The following PCDHGB3 variants were observed in gnomAD, a reference collection of about 807,000 sequenced individuals.
The protein encoded by PCDHGB3 is protocadherin gamma subfamily B, 3.
Under a neutral mutation model 59.2 loss-of-function variants are expected in PCDHGB3, and 40 were observed. That is an observed-to-expected ratio of 0.68 (90% CI 0.52 to 0.88). The LOEUF (loss-of-function observed/expected upper bound fraction) is 0.88, where lower values mean the gene tolerates loss of function less well. Among genes scored for constraint, PCDHGB3 ranks in the 40% least tolerant of loss-of-function variants. PCDHGB3 has a pLI of 0.00. For synonymous variants in PCDHGB3, 581 were observed against 503.6 expected (o/e 1.15, Z -2.06); for missense variants, 1,309 against 1,187.9 (o/e 1.10, Z -1.50).
Position 141,431,677 on chromosome 5 carries a change from G to T in PCDHGB3, c.2415+58868G>T. The T allele has an allele frequency of 1.2e-6, 2 of 1,614,236 alleles. No homozygotes were observed. Among genetic ancestry groups the T allele is most frequent in the Non-Finnish European group, 1.7e-6 (2 of 1,180,050 alleles). ...CAGGGACAATATCAACAATAGGGGAGTTGGACCACGAGGAGTCAGGATTCT... is the reference window on the plus strand; with the variant it reads ...CAGGGACAATATCAACAATAGGGGATTTGGACCACGAGGAGTCAGGATTCT... On this transcript the variant is annotated intron_variant, in intron 1 of 3. Coordinates refer to ENST00000576222, the MANE Select transcript of PCDHGB3 (RefSeq NM_018924.5). The surrounding 1 kb of genome is among the most constrained non-coding windows in gnomAD (Gnocchi z 4.8).
At chr5:141,417,872 T>G (rs2096175848) in intron 1 of PCDHGB3, 5 of 1,555,026 alleles carry the variant, frequency 3.2e-6, no homozygotes, top group African/African-American at 1.4e-5. Flanking sequence ...GGGAGGGAGC[T>G]GCGCGCAGAG....
rs1562131721 is a variant in PCDHGB3, at chr5:141,489,636, C to CGAGA, written c.2416-5171_2416-5170insGAGA. 10 of 1,614,074 alleles carry CGAGA rather than the reference C, an allele frequency of 6.2e-6. No individual in the cohort carries two copies. The highest frequency in any genetic ancestry group is 2.7e-5 in the African/African-American group (2 of 74,930). On this transcript the variant is annotated intron_variant, in intron 1 of 3. Coordinates refer to ENST00000576222, the MANE Select transcript of PCDHGB3 (RefSeq NM_018924.5). This position sits in a 1 kb window ranked among gnomAD's most constrained non-coding sequence, Gnocchi z 4.5. ...TGGATCTCAATGACAACTCTCCTAG[C>CGAGA]TTTGCCACCCCTGAGCGAGAGATGC...
Position 141,491,947 on chromosome 5 carries a change from C to T in PCDHGB3, c.2416-2860C>T. ...GGGGAGGTGGGACCGACCCCCACCCCTACACTCAAAAAAGGCCGGGGCCTC... is the reference window on the plus strand; with the variant it reads ...GGGGAGGTGGGACCGACCCCCACCCTTACACTCAAAAAAGGCCGGGGCCTC... On this transcript the variant is annotated intron_variant, in intron 1 of 3. Coordinates refer to ENST00000576222, the MANE Select transcript of PCDHGB3 (RefSeq NM_018924.5). The surrounding 1 kb of genome is among the most constrained non-coding windows in gnomAD (Gnocchi z 6.9). 1 of 1,114,210 alleles carries T rather than the reference C, an allele frequency of 9.0e-7. No individual in the cohort carries two copies. The highest frequency in any genetic ancestry group is 1.2e-6 in the Non-Finnish European group (1 of 815,758). 69.0% of individuals were successfully genotyped at this position (1,114,210 alleles called of 1,614,324 possible). A position where few individuals can be genotyped will look rare whatever the true frequency, so the allele number is the denominator to read the frequency against.
intron 1 of PCDHGB3, chr5:141,478,825 T>G: frequency 1.4e-6 from 2 of 1,441,878 alleles, no homozygotes; most frequent in East Asian, 5.0e-5. Context: ...TAACCAATCT[T>G]GCTAAGGGAT....
At position 141,477,879 on chromosome 5, in the gene PCDHGB3, A is replaced by T. The variant is rs932363258; in HGVS notation, c.2416-16928A>T. The T allele has an allele frequency of 3.4e-5, 55 of 1,614,060 alleles. No homozygotes were observed. The highest frequency in any genetic ancestry group is 4.6e-5 in the Non-Finnish European group (54 of 1,180,034). ...CTGCCTCGAGGTACCTCAGCTGGCCACCTAGTGTCACGGGTGGTAGGCTGG... is the reference window on the plus strand; with the variant it reads ...CTGCCTCGAGGTACCTCAGCTGGCCTCCTAGTGTCACGGGTGGTAGGCTGG... On this transcript the variant is annotated intron_variant, in intron 1 of 3. Coordinates refer to ENST00000576222, the MANE Select transcript of PCDHGB3 (RefSeq NM_018924.5). This position sits in a 1 kb window ranked among gnomAD's most constrained non-coding sequence, Gnocchi z 4.9.
rs745961736 is a variant in PCDHGB3, at chr5:141,372,460, A to G, written c.2066A>G (p.Gln689Arg). Residue 689 changes from glutamine (Q) to arginine (R), a missense_variant, in exon 1 of 4, where the codon CAG (glutamine) becomes CGG (arginine). By Grantham distance (43) the Gln-to-Arg change is conservative. Coordinates refer to ENST00000576222, the MANE Select transcript of PCDHGB3 (RefSeq NM_018924.5). ...PTPSDPQAEL[Q>R]FHLVVALALI... ...CCCTCTGACCCTCAGGCGGAGCTAC[A>G]GTTTCACCTAGTAGTGGCGTTGGCC... 6.2e-5 allele frequency: 100 copies of G among 1,614,006 alleles called. 1 individual carries two copies. The South Asian group carries it at 1.1e-3, about 17-fold the overall frequency.
At chr5:141,398,740 C>G in intron 1 of PCDHGB3, 2 of 1,613,864 alleles carry the variant, frequency 1.2e-6, no homozygotes, top group Non-Finnish European at 1.7e-6. Context: ...CCGGGAACAA[C>G]AGAGTTACCA....
At chr5:141,483,656 G>A (rs1345435222) in intron 1 of PCDHGB3, among the ~76,000 whole-genome samples, 1 of 151,984 alleles carries the variant, frequency 6.6e-6, no homozygotes, top group Non-Finnish European at 1.5e-5. Flanking sequence ...GTTTGTGTGT[G>A]TGTGTGTGTG....
chr5:141,424,538 A>G (rs547426760), intron 1 of PCDHGB3: 37 of 152,340 alleles, frequency 2.4e-4, no homozygotes, highest in African/African-American at 8.9e-4. Context: ...TATAGAAATA[A>G]CTTGATTTTG....
At chr5:141,440,221 C>A (rs557068282) in intron 1 of PCDHGB3, 2 of 152,450 alleles carry the variant, frequency 1.3e-5, no homozygotes, top group Admixed American at 6.5e-5. Context: ...GTAATCCCAG[C>A]ACTTTGGGAG....
At chr5:141,507,531 C>T (rs1467914007) in intron 3 of PCDHGB3, among the ~76,000 whole-genome samples, 3 of 151,964 alleles carry the variant, frequency 2.0e-5, no homozygotes, top group African/African-American at 7.2e-5. Flanking sequence ...CCAGAGAGGC[C>T]AGAGACTGAG....
Position 141,432,059 on chromosome 5 carries a change from A to T in PCDHGB3, c.2415+59250A>T. On this transcript the variant is annotated intron_variant, in intron 1 of 3. Transcript: ENST00000576222. This position sits in a 1 kb window ranked among gnomAD's most constrained non-coding sequence, Gnocchi z 6.0. ...TGACCGGGGAACCCCGCCCCTATCC[A>T]CGGAAACTCATATCTCGCTGAACGT... The T allele has an allele frequency of 6.2e-7, 1 of 1,614,170 alleles. No homozygotes were observed. Among genetic ancestry groups the T allele is most frequent in the Non-Finnish European group, 8.5e-7 (1 of 1,180,030 alleles).
chr5:141,389,411 CG>C, intron 1 of PCDHGB3: 2 of 1,613,568 alleles, frequency 1.2e-6, no homozygotes, highest in South Asian at 2.2e-5. Flanking sequence ...GCGCGGAGAG[CG>C]GGGTGGTGTT....
chr5:141,375,280 C>T (rs771324220), intron 1 of PCDHGB3: 1 of 1,613,676 alleles, frequency 6.2e-7, no homozygotes, highest in Non-Finnish European at 8.5e-7. Context: ...AATCAGTTGG[C>T]AATTATTATC....
rs1178458180 is a variant in PCDHGB3 at position 141,384,264 on chromosome 5, A to G, written c.2415+11455A>G. The G allele has an allele frequency of 5.0e-6, 8 of 1,613,664 alleles. No individual in the cohort carries two copies. The African/African-American group carries it at 8.0e-5, about 16-fold the overall frequency. On this transcript the variant is annotated intron_variant, in intron 1 of 3. Transcript: ENST00000576222. ...ATAACCCACCCACCTTCCCCCACTCATCCTACTCAGTCTACATCGCTGAGA... is the reference window on the plus strand; with the variant it reads ...ATAACCCACCCACCTTCCCCCACTCGTCCTACTCAGTCTACATCGCTGAGA...
rs2096651086 is a variant in PCDHGB3 at position 141,422,486 on chromosome 5, A to G, written c.2415+49677A>G. Reference sequence around the variant, plus strand: ...GACAGGGAGTTGGTCCAGAGCTACAATATAACGTTGACAGCCACAGACCAG... The same window carrying G: ...GACAGGGAGTTGGTCCAGAGCTACAGTATAACGTTGACAGCCACAGACCAG... On this transcript the variant is annotated intron_variant, in intron 1 of 3. Coordinates refer to ENST00000576222, the MANE Select transcript of PCDHGB3 (RefSeq NM_018924.5). The G allele has an allele frequency of 1.2e-6, 2 of 1,613,852 alleles. No individual in the cohort carries two copies. The highest frequency in any genetic ancestry group is 1.3e-5 in the African/African-American group (1 of 74,924).
At chr5:141,425,842 T>G (rs2096897830) in intron 1 of PCDHGB3, among the ~76,000 whole-genome samples, 1 of 152,230 alleles carries the variant, frequency 6.6e-6, no homozygotes, top group Non-Finnish European at 1.5e-5. Context: ...TTCTCTTTGC[T>G]GGGTTAATGA....
At chr5:141,430,936 C>T (rs2097327732) in intron 1 of PCDHGB3, 4 of 1,606,984 alleles carry the variant, frequency 2.5e-6, no homozygotes, top group Admixed American at 3.4e-5. Flanking sequence ...CCCGGGAGCT[C>T]GCGGAGCGCG....
At chr5:141,418,407 A>C (rs1165583519) in intron 1 of PCDHGB3, 1 of 1,613,926 alleles carries the variant, frequency 6.2e-7, no homozygotes, top group Non-Finnish European at 8.5e-7. Flanking sequence ...TTGGTGGAGA[A>C]AGACAATCCT....
Sources: allele counts gnomAD v4.1 joint callset (sites outside exome capture counted in the v4.1 genomes callset), GRCh38; gene constraint gnomAD v4.1.1; non-coding constraint Gnocchi (gnomAD v3.1); transcripts MANE v1.5; gene names NCBI Gene and HGNC (gene_info 2026-07-23, HGNC 2026-07-21).